The following PTPRD variants were observed in gnomAD, a reference collection of about 807,000 sequenced individuals.
PTPRD encodes protein tyrosine phosphatase receptor type D.
A neutral mutation model predicts 214.5 loss-of-function variants in PTPRD; 34 were observed. That is an observed-to-expected ratio of 0.16 (90% CI 0.12 to 0.21). The LOEUF (loss-of-function observed/expected upper bound fraction) is 0.21. PTPRD is among the 10% of genes least tolerant of loss of function. The probability of loss-of-function intolerance (pLI) is 1.00; values close to 1 mark genes in which losing one functional copy is unlikely to be tolerated. For synonymous variants in PTPRD, 1,128 were observed against 845.7 expected (o/e 1.33, Z -5.79); for missense variants, 2,545 against 2,398.7 (o/e 1.06, Z -1.27).
chr9:8,700,058 C>A (rs1386153454), intron 12 of PTPRD, among the ~76,000 whole-genome samples: 1 of 152,140 alleles, frequency 6.6e-6, no homozygotes, highest in East Asian at 1.9e-4. Flanking sequence ...AGTGGTACAA[C>A]TGCCAGTAAT....
At chr9:8,874,527 C>A (rs911991208) in intron 11 of PTPRD, among the ~76,000 whole-genome samples, 2 of 152,198 alleles carry the variant, frequency 1.3e-5, no homozygotes, top group African/African-American at 2.4e-5. Flanking sequence ...CTCCCCTGAG[C>A]ATCTCATACT....
At chr9:8,454,234 A>G (rs1360524389) in intron 33 of PTPRD, among the ~76,000 whole-genome samples, 2 of 152,240 alleles carry the variant, frequency 1.3e-5, no homozygotes, top group African/African-American at 2.4e-5. Context: ...CAAACAAAAC[A>G]AAACAAAACA....
chr9:9,997,280 A>T (rs1396042611), intron 4 of PTPRD, among the ~76,000 whole-genome samples: 1 of 125,566 alleles, frequency 8.0e-6, no homozygotes. Context: ...ACTTGAAGAT[A>T]AGCAATTTTT....
At chr9:9,890,446 G>A (rs1229947714) in intron 5 of PTPRD, among the ~76,000 whole-genome samples, 1 of 151,978 alleles carries the variant, frequency 6.6e-6, no homozygotes. Flanking sequence ...CAATCTGCCT[G>A]CCTTGGCCTC....
chr9:8,726,583 AAAAAAATATATATATATATATATATATAT>A (rs2098563827), intron 12 of PTPRD, among the ~76,000 whole-genome samples: 1 of 19,170 alleles, frequency 5.2e-5, no homozygotes, highest in African/African-American at 2.2e-4. Flanking sequence ...AAAAAAAAAA[AAAAAAATATATATATATATATATATATAT>A]ATATATATAT....
intron 33 of PTPRD, among the ~76,000 whole-genome samples, chr9:8,457,533 G>A (rs2096251725): frequency 6.6e-6 from 1 of 151,932 alleles, no homozygotes; most frequent in Non-Finnish European, 1.5e-5. Context: ...TGAACAGAAT[G>A]CCAGATCAAA....
chr9:8,688,544 G>T (rs1202647704), intron 12 of PTPRD, among the ~76,000 whole-genome samples: 1 of 144,166 alleles, frequency 6.9e-6, no homozygotes, highest in East Asian at 2.0e-4. Context: ...CAGCCTGGGC[G>T]ATAGAGCGAG....
chr9:8,416,980 T>C (rs1012504536), intron 35 of PTPRD, among the ~76,000 whole-genome samples: 1 of 152,102 alleles, frequency 6.6e-6, no homozygotes. Flanking sequence ...AGCTCTTAAC[T>C]ACTACACTCT....
rs1390637584 is a variant in PTPRD at position 9,020,734 on chromosome 9, T to C, written c.-142-1999A>G. Among the ~76,000 whole-genome samples the C allele has an allele frequency of 2.0e-5, 3 of 152,300 alleles. No homozygotes were observed. The East Asian group carries it at 5.8e-4, about 29-fold the overall frequency. On this transcript the variant is annotated intron_variant, in intron 10 of 45. Coordinates refer to ENST00000381196, the MANE Select transcript of PTPRD (RefSeq NM_002839.4). The stretch of plus-strand genomic sequence containing the variant: ...GTTTCTAGAAGCCAGAGGATAAGTC[T>C]GAGTTACACAACTGATTTTGAGAAT...
At chr9:9,693,934 C>A (rs1183361061) in intron 7 of PTPRD, among the ~76,000 whole-genome samples, 1 of 152,154 alleles carries the variant, frequency 6.6e-6, no homozygotes, top group Non-Finnish European at 1.5e-5. Flanking sequence ...TCTATAATTT[C>A]TGCTTGATTC....
At chr9:9,480,819 CAT>C (rs1205584465) in intron 8 of PTPRD, among the ~76,000 whole-genome samples, 1 of 152,026 alleles carries the variant, frequency 6.6e-6, no homozygotes, top group African/African-American at 2.4e-5. Context: ...AATGCTAAAA[CAT>C]GTGGTACGTG....
chr9:9,317,356 A>G (rs945947464), intron 9 of PTPRD, among the ~76,000 whole-genome samples: 10 of 152,220 alleles, frequency 6.6e-5, no homozygotes, highest in African/African-American at 2.4e-4. Flanking sequence ...TTTCACAAGC[A>G]TGTCAAACTC....
intron 14 of PTPRD, among the ~76,000 whole-genome samples, chr9:8,589,185 A>G (rs967799404): frequency 2.0e-5 from 3 of 152,222 alleles, no homozygotes; most frequent in Non-Finnish European, 2.9e-5. Context: ...CCTTTACACT[A>G]TGAAGAGTTG....
chr9:8,989,980 T>C (rs1412442927), intron 11 of PTPRD, among the ~76,000 whole-genome samples: 1 of 152,188 alleles, frequency 6.6e-6, no homozygotes, highest in Non-Finnish European at 1.5e-5. Context: ...AAGAAACTTA[T>C]TTGAAAATGA....
intron 3 of PTPRD, among the ~76,000 whole-genome samples, chr9:10,073,367 G>T (rs1382778140): frequency 6.6e-6 from 1 of 151,958 alleles, no homozygotes; most frequent in Non-Finnish European, 1.5e-5. Context: ...TAAAAGCAAA[G>T]GAAATTTCAC....
intron 2 of PTPRD, among the ~76,000 whole-genome samples, chr9:10,457,130 C>A (rs113319508): frequency 0.012 from 1,800 of 151,874 alleles, 33 homozygotes; most frequent in African/African-American, 0.039. Flanking sequence ...AACTTCCTGA[C>A]GTGCACATAT....
rs1041894847 is a variant in PTPRD, at chr9:8,599,563, G to A, written c.352+33754C>T. 9.6e-4 allele frequency among the ~76,000 whole-genome samples: 143 copies of A among 148,402 alleles called. 1 individual carries two copies. Among genetic ancestry groups the A allele is most frequent in the African/African-American group, 3.0e-3 (121 of 40,330 alleles). On this transcript the variant is annotated intron_variant, in intron 14 of 45. Coordinates refer to ENST00000381196, the MANE Select transcript of PTPRD (RefSeq NM_002839.4). ...ATTCACAGAAAACAAAAGGGGGAAC[G>A]CAAGATGGATGAGGGCTCTACTGAT...
rs574188362 is a variant in PTPRD, at chr9:9,032,845, T to C, written c.-142-14110A>G. On this transcript the variant is annotated intron_variant, in intron 10 of 45. Coordinates refer to ENST00000381196, the MANE Select transcript of PTPRD (RefSeq NM_002839.4). ...TTGCAGTGAAGATACTGAGACAATATCTATAAACCTAGCTGGTTTGTACAA... is the reference window on the plus strand; with the variant it reads ...TTGCAGTGAAGATACTGAGACAATACCTATAAACCTAGCTGGTTTGTACAA... Among the ~76,000 whole-genome samples the C allele has an allele frequency of 4.6e-5, 7 of 152,200 alleles. No individual in the cohort carries two copies. The South Asian group carries it at 1.5e-3, about 32-fold the overall frequency.
intron 35 of PTPRD, among the ~76,000 whole-genome samples, chr9:8,424,318 G>A (rs1180148926): frequency 2.6e-5 from 4 of 152,122 alleles, no homozygotes; most frequent in Non-Finnish European, 5.9e-5. Context: ...ATAGTGGTCA[G>A]AACATTACCC....
Sources: gnomAD v4.1 joint callset for allele counts (sites outside exome capture counted in the v4.1 genomes callset) on GRCh38, gnomAD v4.1.1 for gene constraint, MANE v1.5 for transcripts, NCBI Gene and HGNC (gene_info 2026-07-23, HGNC 2026-07-21) for gene names.